The following FAM20B variants were observed in gnomAD, a reference collection of about 807,000 sequenced individuals.
FAM20B encodes FAM20B glycosaminoglycan xylosylkinase, also known as glycosaminoglycan xylosylkinase.
Under a neutral mutation model 43.8 loss-of-function variants are expected in FAM20B, and 23 were observed. The observed-to-expected ratio is 0.53, with a 90% CI of 0.38 to 0.74. The LOEUF is 0.74. FAM20B is among the 30% of genes least tolerant of loss of function. FAM20B has a pLI of 0.00. For synonymous variants in FAM20B, 178 were observed against 192.4 expected (o/e 0.93, Z 0.62); for missense variants, 440 against 510.5 (o/e 0.86, Z 1.33).
Position 179,043,799 on chromosome 1 carries a change from C to T in FAM20B, c.-49C>T. 2.0e-6 allele frequency: 3 copies of T among 1,537,922 alleles called. No homozygotes were observed. The highest frequency in any genetic ancestry group is 2.6e-6 in the Non-Finnish European group (3 of 1,136,108). On this transcript the variant is annotated 5_prime_UTR_variant, in exon 2 of 8. Coordinates refer to ENST00000263733, the MANE Select transcript of FAM20B (RefSeq NM_014864.4). Reference sequence around the variant, plus strand: ...TTGCTAACCATCACCACCAGCTCTCCTTAATACATGAGCAAGAGTGGGTCA... The same window carrying T: ...TTGCTAACCATCACCACCAGCTCTCTTTAATACATGAGCAAGAGTGGGTCA...
intron 4 of FAM20B, among the ~76,000 whole-genome samples, chr1:179,058,152 T>A (rs922749053): frequency 3.9e-5 from 6 of 152,230 alleles, no homozygotes; most frequent in African/African-American, 1.4e-4. Context: ...TACAGTAATA[T>A]GTGCTTTGTT....
chr1:179,018,851 A>G, the FAM20B span, among the ~76,000 whole-genome samples: 1 of 152,128 alleles, frequency 6.6e-6, no homozygotes, highest in Non-Finnish European at 1.5e-5. Context: ...GGAGGTTGAG[A>G]AGTCCCACAA....
intron 1 of FAM20B, among the ~76,000 whole-genome samples, chr1:179,037,537 T>G (rs1572532991): frequency 7.6e-6 from 1 of 131,340 alleles, no homozygotes; most frequent in Non-Finnish European, 1.5e-5. Flanking sequence ...CAGGCTGGAG[T>G]GCAATGGCAC....
intron 7 of FAM20B, among the ~76,000 whole-genome samples, chr1:179,069,141 G>C (rs1273747787): frequency 6.6e-6 from 1 of 152,098 alleles, no homozygotes; most frequent in African/African-American, 2.4e-5. Context: ...CCCCAGGCCA[G>C]GCTAAGGCTT....
chr1:179,038,623 T>C (rs2102490425), intron 1 of FAM20B, among the ~76,000 whole-genome samples: 1 of 152,336 alleles, frequency 6.6e-6, no homozygotes, highest in East Asian at 1.9e-4. Flanking sequence ...AGAAGTGTAC[T>C]GTTGAACAAG....
rs1427756192 is a variant in FAM20B at position 179,044,272 on chromosome 1, T to C, written c.377+48T>C. ...GCATGTGCTAGTTGGTTGATTCATTTAACTTGGGATTTATATAAGATTTAT... is the reference window on the plus strand; with the variant it reads ...GCATGTGCTAGTTGGTTGATTCATTCAACTTGGGATTTATATAAGATTTAT... On this transcript the variant is annotated intron_variant, in intron 2 of 7. Coordinates refer to ENST00000263733, the MANE Select transcript of FAM20B (RefSeq NM_014864.4). 2.6e-6 allele frequency: 4 copies of C among 1,537,606 alleles called. No individual in the cohort carries two copies. The African/African-American group carries it at 5.6e-5, about 21-fold the overall frequency.
intron 1 of FAM20B, among the ~76,000 whole-genome samples, chr1:179,036,644 G>C (rs1468243765): frequency 6.6e-6 from 1 of 152,176 alleles, no homozygotes; most frequent in Non-Finnish European, 1.5e-5. Flanking sequence ...AATAAAAAAG[G>C]AAGATTATAT....
chr1:179,022,532 T>C (rs920511368), upstream of FAM20B, among the ~76,000 whole-genome samples: 5 of 152,202 alleles, frequency 3.3e-5, no homozygotes, highest in Non-Finnish European at 7.3e-5. Flanking sequence ...ATATCCTCCT[T>C]CTAACTTGGG....
rs74129739 is a variant in FAM20B at position 179,030,313 on chromosome 1, A to C, written c.-134+4215A>C. Among the ~76,000 whole-genome samples, 672 of 152,172 alleles carry C rather than the reference A, an allele frequency of 4.4e-3. 4 individuals carry two copies. The highest frequency in any genetic ancestry group is 0.015 in the African/African-American group (617 of 41,520). On this transcript the variant is annotated intron_variant, in intron 1 of 7. Transcript: ENST00000263733. ...CCTGTAGTTTTCTGTAAAAAAAAAA[A>C]CAAAATAATATGGAAGTACTTACTC... is the stretch of plus-strand genomic sequence containing the variant.
In FAM20B at chr1:179,074,208, G is replaced by C. The variant is rs569043237; in HGVS notation, c.*2064G>C. The C allele has an allele frequency of 6.6e-6, 1 of 152,656 alleles. No homozygotes were observed. Among genetic ancestry groups the C allele is most frequent in the African/African-American group, 2.4e-5 (1 of 41,452 alleles). 9.5% of individuals were successfully genotyped at this position (152,656 alleles called of 1,614,324 possible). On this transcript the variant is annotated 3_prime_UTR_variant, in exon 8 of 8. Coordinates refer to ENST00000263733, the MANE Select transcript of FAM20B (RefSeq NM_014864.4). ...CAATGGGCTGAGTTATAAAAAGCGT[G>C]TATTGAATTTAAGAAGACAGACTAG... is the stretch of plus-strand genomic sequence containing the variant.
intron 6 of FAM20B, among the ~76,000 whole-genome samples, chr1:179,066,062 A>G (rs1651677431): frequency 6.6e-6 from 1 of 152,184 alleles, no homozygotes; most frequent in Non-Finnish European, 1.5e-5. Context: ...GGACTGTTGT[A>G]CCAGGGATTA....
upstream of FAM20B, among the ~76,000 whole-genome samples, chr1:179,024,216 G>A (rs1649663836): frequency 6.6e-6 from 1 of 152,196 alleles, no homozygotes; most frequent in African/African-American, 2.4e-5. Context: ...GTTGCTTGGA[G>A]AGGCAATGAC....
At chr1:179,047,106 G>GT (rs1650806555) in intron 2 of FAM20B, among the ~76,000 whole-genome samples, 1 of 152,218 alleles carries the variant, frequency 6.6e-6, no homozygotes, top group African/African-American at 2.4e-5. Flanking sequence ...AGCGTGCAGT[G>GT]TTAGACCAGG....
intron 7 of FAM20B, among the ~76,000 whole-genome samples, chr1:179,069,240 C>T (rs1408928600): frequency 1.3e-5 from 2 of 152,176 alleles, no homozygotes; most frequent in Admixed American, 6.5e-5. Flanking sequence ...CCACCATTGA[C>T]CCACAGAAGC....
intron 2 of FAM20B, among the ~76,000 whole-genome samples, chr1:179,047,511 C>G (rs1177145734): frequency 2.0e-5 from 3 of 152,100 alleles, no homozygotes; most frequent in Admixed American, 2.0e-4. Context: ...CCCCTGCTCC[C>G]GCATCATCTC....
At chr1:179,053,874 A>C (rs916421070) in intron 3 of FAM20B, among the ~76,000 whole-genome samples, 5 of 152,152 alleles carry the variant, frequency 3.3e-5, no homozygotes, top group African/African-American at 9.7e-5. Context: ...CAGCACCTGT[A>C]ATTATTTCTG....
rs1033890494 is a variant in FAM20B, at chr1:179,075,800, T to A, written c.*3656T>A. On this transcript the variant is annotated 3_prime_UTR_variant, in exon 8 of 8. Transcript: ENST00000263733. ...AAAAAAAAATGCTTTTGCCTTCCCT[T>A]CCCTTCCCATCCGCCATATTTCTTC... 1.3e-5 allele frequency: 2 copies of A among 152,036 alleles called. No homozygotes were observed. Among genetic ancestry groups the A allele is most frequent in the African/African-American group, 4.8e-5 (2 of 41,380 alleles). The allele number at this position is 152,036 out of a possible 1,614,324, so 9.4% of individuals were successfully genotyped here. A position where few individuals can be genotyped will look rare whatever the true frequency, so the allele number is the denominator to read the frequency against.
At chr1:179,042,345 G>A (rs1225283247) in intron 1 of FAM20B, among the ~76,000 whole-genome samples, 6 of 152,206 alleles carry the variant, frequency 3.9e-5, no homozygotes, top group Non-Finnish European at 7.3e-5. Flanking sequence ...CACAGCTGCC[G>A]GTTCTGTGTG....
chr1:179,020,956 A>G (rs1198917949), upstream of FAM20B, among the ~76,000 whole-genome samples: 2 of 152,250 alleles, frequency 1.3e-5, no homozygotes, highest in African/African-American at 4.8e-5. Flanking sequence ...CTGTAGTCAC[A>G]GCTACTCGGG....
Sources: gnomAD v4.1 joint callset for allele counts (sites outside exome capture counted in the v4.1 genomes callset) on GRCh38, gnomAD v4.1.1 for gene constraint, MANE v1.5 for transcripts, NCBI Gene and HGNC (gene_info 2026-07-23, HGNC 2026-07-21) for gene names.